DST: variants seen among roughly 807,000 people sequenced by gnomAD.
DST encodes bullous pemphigoid antigen.
Under a neutral mutation model 875.2 loss-of-function variants are expected in DST, and 253 were observed. The observed-to-expected ratio is 0.29, with a 90% CI of 0.26 to 0.32. The LOEUF is 0.32. Ranked by LOEUF, DST falls within the 10% of genes least tolerant of loss-of-function variation. The pLI is 1.00. For missense variants in DST, 8,287 were observed against 9,111.6 expected (o/e 0.91, Z 3.68); for synonymous variants, 3,124 against 3,197.1 (o/e 0.98, Z 0.77).
intron 4 of DST, among the ~76,000 whole-genome samples, chr6:56,837,806 T>G (rs979993672): frequency 9.9e-5 from 15 of 152,056 alleles, no homozygotes; most frequent in Non-Finnish European, 1.9e-4. Context: ...GAAATCCCAT[T>G]TGACCCCAAA....
At chr6:56,811,183 CAAAAAAAAAAAAAAAA>C (rs371256050) in intron 4 of DST, among the ~76,000 whole-genome samples, 3 of 33,328 alleles carry the variant, frequency 9.0e-5, no homozygotes, top group East Asian at 2.6e-3. Context: ...GACCCTGTCT[CAAAAAAAAAAAAAAAA>C]AAAAAAAAAA....
intron 93 of DST, 140 bp downstream of exon 93, chr6:56,473,732 CG>C: frequency 5.3e-6 from 4 of 757,986 alleles, no homozygotes; most frequent in Non-Finnish European, 8.3e-6. Context: ...CTTGAGCACA[CG>C]TATTCCTTCT....
At position 56,614,346 on chromosome 6, in the gene DST, C is replaced by T. The variant is rs762747406; in HGVS notation, c.5058+10G>A. The T allele has an allele frequency of 7.5e-6, 12 of 1,593,662 alleles. No individual in the cohort carries two copies. Among genetic ancestry groups the T allele is most frequent in the Non-Finnish European group, 9.4e-6 (11 of 1,171,046 alleles). Reference sequence around the variant, plus strand: ...TATTATTATTATTAAACCAGGACTTCTGTGAATACCTTTTGCTTAGAGAAG... The same window carrying T: ...TATTATTATTATTAAACCAGGACTTTTGTGAATACCTTTTGCTTAGAGAAG... On this transcript the variant is annotated intron_variant, in intron 37 of 103. Coordinates refer to ENST00000680361, the MANE Select transcript of DST (RefSeq NM_001374736.1).
rs2097344188 is a variant in DST at position 56,552,764 on chromosome 6, G to A, written c.16028C>T (p.Ala5343Val). 1 of 1,610,254 alleles carries A rather than the reference G, an allele frequency of 6.2e-7. No individual in the cohort carries two copies. The highest frequency in any genetic ancestry group is 1.1e-5 in the South Asian group (1 of 91,076). The part of the protein sequence containing the change: ...KRLAQDLVVE[A>V]SDSKGTSDVL... Reference sequence around the variant, plus strand: ...ATCAGAGGTTCCCTTTGAGTCTGAGGCCTCTACCACAAGGTCCTGTGCAAG... The same window carrying A: ...ATCAGAGGTTCCCTTTGAGTCTGAGACCTCTACCACAAGGTCCTGTGCAAG... The change falls in exon 61 of 104, where the codon GCC becomes GTC. Residue 5343 changes from alanine to valine, a missense_variant. This residue lies in a region of DST where 1,513 missense variants were observed against 1,677.8 expected (regional missense o/e 0.90). Transcript: ENST00000680361.
At chr6:56,851,738 C>T (rs898019544) in intron 3 of DST, 134 bp from the exon 4 acceptor site, 113 of 1,551,892 alleles carry the variant, frequency 7.3e-5, no homozygotes, top group Non-Finnish European at 9.4e-5. Context: ...GCACCATCCT[C>T]GGAGCTGAGG....
At chr6:56,941,849 C>G (rs969166614) in intron 2 of DST, among the ~76,000 whole-genome samples, 26 of 152,154 alleles carry the variant, frequency 1.7e-4, no homozygotes, top group African/African-American at 6.3e-4. Context: ...AGCTCTTTAC[C>G]TACGTTTTTA....
chr6:56,881,245 G>C (rs553541089), intron 3 of DST, among the ~76,000 whole-genome samples: 2 of 152,132 alleles, frequency 1.3e-5, no homozygotes, highest in Non-Finnish European at 2.9e-5. Context: ...GAGGCCGATG[G>C]GGGCAGATCA....
At chr6:56,585,460 T>C (rs1402259916) in intron 49 of DST, among the ~76,000 whole-genome samples, 1 of 152,112 alleles carries the variant, frequency 6.6e-6, no homozygotes, top group Non-Finnish European at 1.5e-5. Context: ...TCATTTTTTA[T>C]TGCGTCTATT....
chr6:56,477,405 G>A lies in DST; in HGVS notation c.21615C>T (p.His7205=). ...GCTTAATGGTAGTGATGGAGTCGGG[G>A]TGGCAGATAGCCAAAACGGTGTCGC... ...TMGDTVLAIC[H]PDSITTIKHW... The change falls in exon 91 of 104, where the codon CAC becomes CAT. Residue 7205 remains histidine, a synonymous_variant. Coordinates refer to ENST00000680361, the MANE Select transcript of DST (RefSeq NM_001374736.1). The A allele has an allele frequency of 3.1e-6, 5 of 1,613,970 alleles. No homozygotes were observed. Among genetic ancestry groups the A allele is most frequent in the Non-Finnish European group, 4.2e-6 (5 of 1,179,878 alleles).
intron 5 of DST, among the ~76,000 whole-genome samples, chr6:56,708,039 G>A (rs886843858): frequency 2.0e-5 from 3 of 152,154 alleles, no homozygotes; most frequent in African/African-American, 7.2e-5. Flanking sequence ...CATGGTGGCA[G>A]TGAGCTGTGA....
intron 19 of DST, 52 bp downstream of exon 19, chr6:56,639,877 C>T: frequency 1.9e-6 from 3 of 1,601,960 alleles, no homozygotes; most frequent in Non-Finnish European, 2.6e-6. Flanking sequence ...ATGTAAAAAG[C>T]AAAACAAGAG....
intron 90 of DST, among the ~76,000 whole-genome samples, chr6:56,478,812 T>C (rs557817609): frequency 1.3e-5 from 2 of 152,180 alleles, no homozygotes; most frequent in Admixed American, 1.3e-4. Context: ...TATAGGTGTT[T>C]TACTATACAA....
At chr6:56,739,848 T>C (rs2099540010) in intron 4 of DST, among the ~76,000 whole-genome samples, 1 of 152,172 alleles carries the variant, frequency 6.6e-6, no homozygotes, top group African/African-American at 2.4e-5. Context: ...TTGTTTAGCA[T>C]ATCATCAAGA....
At chr6:56,643,537 T>C (rs1185845128) in intron 15 of DST, among the ~76,000 whole-genome samples, 1 of 152,212 alleles carries the variant, frequency 6.6e-6, no homozygotes, top group African/African-American at 2.4e-5. Flanking sequence ...GGATATTACA[T>C]GGCATAAGAA....
At chr6:56,817,582 C>T (rs1349326345) in intron 4 of DST, among the ~76,000 whole-genome samples, 2 of 152,082 alleles carry the variant, frequency 1.3e-5, no homozygotes, top group Non-Finnish European at 2.9e-5. Context: ...TATTTCTCCC[C>T]TTTGTATTCA....
chr6:56,934,590 C>CATATATATATA (rs1812033551), intron 2 of DST, among the ~76,000 whole-genome samples: 1 of 94,424 alleles, frequency 1.1e-5, no homozygotes, highest in African/African-American at 4.5e-5. Context: ...ATATATATAT[C>CATATATATATA]GTGAGAGAGA....
chr6:56,670,489 GC>G (rs2099095938), intron 10 of DST, 151 bp downstream of exon 10: 2 of 619,270 alleles, frequency 3.2e-6, no homozygotes, highest in Non-Finnish European at 5.0e-6. Context: ...ATGGGCCACT[GC>G]ACCTGGCCAA....
At chr6:56,844,311 G>A (rs2099804628) in intron 4 of DST, among the ~76,000 whole-genome samples, 1 of 152,152 alleles carries the variant, frequency 6.6e-6, no homozygotes, top group South Asian at 2.1e-4. Context: ...CCAGCCTGCG[G>A]TCCCTCCCTT....
chr6:56,526,556 CT>C lies in DST; in HGVS notation c.17933del (p.Lys5978ArgfsTer16), dbSNP rs1185541227. On this transcript the variant is annotated frameshift_variant, in exon 69 of 104. Coordinates refer to ENST00000680361, the MANE Select transcript of DST (RefSeq NM_001374736.1). LOFTEE classifies it high-confidence loss of function. Reference protein sequence around the residue: ...QAQMRPKELKKEAKNNKALLD... With the variant: ...QAQMRPKELKXEAKNNKALLD... Reference sequence around the variant, plus strand: ...GTAAGGCTTTGTTGTTCTTAGCTTCCTTTTTCAGTTCCTGAAAACATACAAA... The same window carrying C: ...GTAAGGCTTTGTTGTTCTTAGCTTCCTTTTCAGTTCCTGAAAACATACAAA... The C allele has an allele frequency of 6.2e-7, 1 of 1,613,270 alleles. No homozygotes were observed. The highest frequency in any genetic ancestry group is 1.3e-5 in the African/African-American group (1 of 74,944).
Sources: gnomAD v4.1 joint callset for allele counts (sites outside exome capture counted in the v4.1 genomes callset) on GRCh38, gnomAD v4.1.1 for gene constraint, gnomAD v4.1.1 regional missense constraint, MANE v1.5 for transcripts, NCBI Gene and HGNC (gene_info 2026-07-23, HGNC 2026-07-21) for gene names.